Variants in TMEM132C observed in about 807,000 individuals in gnomAD.
The protein encoded by TMEM132C is transmembrane protein 132C.
A neutral mutation model predicts 61.4 loss-of-function variants in TMEM132C; 29 were observed. The ratio of observed to expected loss-of-function variants is 0.47; its 90% CI spans 0.35 to 0.64. TMEM132C has a LOEUF of 0.64. TMEM132C is among the 30% of genes least tolerant of loss of function. The probability of loss-of-function intolerance (pLI) is 0.00; values close to 1 mark genes in which losing one functional copy is unlikely to be tolerated. For synonymous variants in TMEM132C, 656 were observed against 633.1 expected, an observed-to-expected ratio of 1.04 and a Z score of -0.54; for missense variants, 1,408 against 1,476.9, an observed-to-expected ratio of 0.95 and a Z score of 0.76.
At chr12:128,313,893 T>G (rs1434583037) in intron 1 of TMEM132C, among the ~76,000 whole-genome samples, 3 of 152,186 alleles carry the variant, frequency 2.0e-5, no homozygotes, top group Non-Finnish European at 4.4e-5. Flanking sequence ...TTAATTTATT[T>G]TATTATATTT....
At chr12:128,696,127 T>C in intron 7 of TMEM132C, 24 bp downstream of exon 7, 1 of 1,546,100 alleles carries the variant, frequency 6.5e-7, no homozygotes, top group East Asian at 2.4e-5. Context: ...AGTCTCTGTG[T>C]CCCCAGCACT....
rs1386888528 is a variant in TMEM132C at position 128,647,791 on chromosome 12, G to A, written c.1306-21626G>A. ...TGTTTACTGGAGTCCATTAGCATTG[G>A]AAGTGAGTGTGTTTACTGGAGTCCA... On this transcript the variant is annotated intron_variant, in intron 4 of 8. Coordinates refer to ENST00000435159, the MANE Select transcript of TMEM132C (RefSeq NM_001136103.3). Among the ~76,000 whole-genome samples the A allele has an allele frequency of 2.7e-5, 4 of 150,294 alleles. No individual in the cohort carries two copies. In the South Asian group the frequency reaches 6.2e-4, roughly 23 times the overall value.
intron 3 of TMEM132C, among the ~76,000 whole-genome samples, chr12:128,577,867 C>A (rs539330111): frequency 6.6e-6 from 1 of 152,316 alleles, no homozygotes; most frequent in South Asian, 2.1e-4. Context: ...ACCTTCTTCG[C>A]GGCTCCCCTC....
intron 1 of TMEM132C, among the ~76,000 whole-genome samples, chr12:128,329,968 G>A (rs1268083434): frequency 6.6e-6 from 1 of 152,190 alleles, no homozygotes; most frequent in Non-Finnish European, 1.5e-5. Context: ...GTGTCCATGT[G>A]TACATGTGTA....
chr12:128,382,239 G>A (rs1185575429), intron 1 of TMEM132C, among the ~76,000 whole-genome samples: 1 of 152,076 alleles, frequency 6.6e-6, no homozygotes, highest in African/African-American at 2.4e-5. Context: ...ACAGAAAAAT[G>A]CATTTTTTTC....
At chr12:128,622,363 ATATATATATATAT>A (rs1565994570) in intron 4 of TMEM132C, among the ~76,000 whole-genome samples, 801 of 56,738 alleles carry the variant, frequency 0.014, 74 homozygotes, top group African/African-American at 0.038. Flanking sequence ...AAAAAAAAAT[ATATATATATATAT>A]ATATATATAT....
At chr12:128,553,177 T>C (rs1457055114) in intron 3 of TMEM132C, among the ~76,000 whole-genome samples, 2 of 152,204 alleles carry the variant, frequency 1.3e-5, no homozygotes, top group African/African-American at 4.8e-5. Context: ...AACAATCTCA[T>C]AATGTTGTAA....
At position 128,278,744 on chromosome 12, in the gene TMEM132C, A is replaced by ACG. The variant is rs1870775414; in HGVS notation, c.85+11258_85+11259dup. Among the ~76,000 whole-genome samples the ACG allele has an allele frequency of 8.2e-6, 1 of 122,342 alleles. No homozygotes were observed. Among genetic ancestry groups the ACG allele is most frequent in the South Asian group, 2.9e-4 (1 of 3,484 alleles). 80.3% of individuals were successfully genotyped at this position (122,342 alleles called of 152,430 possible). On this transcript the variant is annotated intron_variant, in intron 1 of 8. Transcript: ENST00000435159. The surrounding 1 kb of genome is among the most constrained non-coding windows in gnomAD (Gnocchi z 4.2). ...GATATTTGTGCAGACTTGATTCTAT[A>ACG]CGTGTATGTGTGTGTGTGTGTGTGT... is the stretch of plus-strand genomic sequence containing the variant.
At chr12:128,667,245 C>T (rs1314331126) in intron 4 of TMEM132C, among the ~76,000 whole-genome samples, 1 of 152,058 alleles carries the variant, frequency 6.6e-6, no homozygotes, top group Non-Finnish European at 1.5e-5. Context: ...GTAGTTGCAA[C>T]AGCCGTTAGA....
intron 3 of TMEM132C, among the ~76,000 whole-genome samples, chr12:128,569,182 G>A (rs988470482): frequency 1.3e-5 from 2 of 152,218 alleles, no homozygotes; most frequent in African/African-American, 2.4e-5. Context: ...CACAGGCAGA[G>A]GGCACAGTGA....
intron 2 of TMEM132C, among the ~76,000 whole-genome samples, chr12:128,531,013 T>G (rs1565964183): frequency 6.6e-6 from 1 of 152,176 alleles, no homozygotes; most frequent in Non-Finnish European, 1.5e-5. Flanking sequence ...GCCTGAAGTT[T>G]CAATGAAAGA....
At chr12:128,403,330 A>C (rs1400178364) in intron 1 of TMEM132C, among the ~76,000 whole-genome samples, 1 of 152,178 alleles carries the variant, frequency 6.6e-6, no homozygotes, top group African/African-American at 2.4e-5. Context: ...GAGAAAGGCA[A>C]GTCCTGTTTT....
intron 3 of TMEM132C, among the ~76,000 whole-genome samples, chr12:128,572,480 T>G (rs1874928072): frequency 1.3e-5 from 2 of 152,076 alleles, no homozygotes; most frequent in East Asian, 1.9e-4. Context: ...GACCTCTGAT[T>G]GGCTGGGCCT....
At chr12:128,591,160 A>G (rs552419661) in intron 3 of TMEM132C, among the ~76,000 whole-genome samples, 68 of 152,332 alleles carry the variant, frequency 4.5e-4, no homozygotes, top group East Asian at 2.5e-3. Flanking sequence ...GTACAATTCA[A>G]TGGTTTTTAG....
rs572685216 is a variant in TMEM132C at position 128,550,705 on chromosome 12, A to G, written c.1121+6602A>G. 1.2e-3 allele frequency among the ~76,000 whole-genome samples: 183 copies of G among 152,304 alleles called. 1 individual carries two copies. Among genetic ancestry groups the G allele is most frequent in the African/African-American group, 4.1e-3 (172 of 41,568 alleles). On this transcript the variant is annotated intron_variant, in intron 3 of 8. Coordinates refer to ENST00000435159, the MANE Select transcript of TMEM132C (RefSeq NM_001136103.3). ...CATCTTAAAAGCCTGCTCTCCAAAT[A>G]TAGTCACACTGGGGCAGAGGGCTTT... is the stretch of plus-strand genomic sequence containing the variant.
intron 1 of TMEM132C, among the ~76,000 whole-genome samples, chr12:128,292,815 A>T (rs745608344): frequency 6.6e-6 from 1 of 152,174 alleles, no homozygotes; most frequent in Non-Finnish European, 1.5e-5. Flanking sequence ...GTGGATCATG[A>T]CACAGTGGAA....
chr12:128,487,106 G>T (rs1452772251), intron 2 of TMEM132C, among the ~76,000 whole-genome samples: 1 of 152,170 alleles, frequency 6.6e-6, no homozygotes, highest in Admixed American at 6.5e-5. Flanking sequence ...CCGACCAAGG[G>T]ACTTTCTGGA....
intron 6 of TMEM132C, 128 bp downstream of exon 6, chr12:128,694,162 C>A: frequency 8.8e-7 from 1 of 1,140,186 alleles, no homozygotes; most frequent in Non-Finnish European, 1.2e-6. Context: ...CCAGGGCTCC[C>A]AGATAACCCA....
intron 4 of TMEM132C, among the ~76,000 whole-genome samples, chr12:128,639,799 T>C (rs1423879608): frequency 1.3e-5 from 2 of 152,176 alleles, no homozygotes; most frequent in African/African-American, 2.4e-5. Context: ...AAGATGAATT[T>C]GTCATCCTTC....
Sources: gnomAD v4.1 joint callset for allele counts (sites outside exome capture counted in the v4.1 genomes callset) on GRCh38, gnomAD v4.1.1 for gene constraint, Gnocchi (gnomAD v3.1) non-coding constraint, MANE v1.5 for transcripts, NCBI Gene and HGNC (gene_info 2026-07-23, HGNC 2026-07-21) for gene names.